MAGI2: variants seen among roughly 807,000 people sequenced by gnomAD.
MAGI2 encodes membrane-associated guanylate kinase, WW and PDZ domain-containing protein 2.
A neutral mutation model predicts 133.3 loss-of-function variants in MAGI2; 35 were observed. The ratio of observed to expected loss-of-function variants is 0.26; its 90% CI spans 0.20 to 0.35. The LOEUF (loss-of-function observed/expected upper bound fraction) is 0.35, where lower values mean the gene tolerates loss of function less well. Ranked by LOEUF, MAGI2 falls within the 10% of genes least tolerant of loss-of-function variation. The pLI is 1.00. For synonymous variants in MAGI2, 729 were observed against 710.6 expected, an observed-to-expected ratio of 1.03 and a Z score of -0.41; for missense variants, 1,636 against 1,863.4, an observed-to-expected ratio of 0.88 and a Z score of 2.25.
chr7:78,567,257 C>T (rs1478713873), intron 3 of MAGI2, among the ~76,000 whole-genome samples: 1 of 152,122 alleles, frequency 6.6e-6, no homozygotes, highest in Non-Finnish European at 1.5e-5. Context: ...GAACTACAAA[C>T]CAGGCTCTTG....
intron 10 of MAGI2, among the ~76,000 whole-genome samples, chr7:78,235,600 G>C (rs549340208): frequency 1.3e-5 from 2 of 152,112 alleles, no homozygotes; most frequent in African/African-American, 2.4e-5. Context: ...TGTGAAGAAG[G>C]ACATGTTTGC....
chr7:79,224,186 T>C (rs1830666536), intron 1 of MAGI2, among the ~76,000 whole-genome samples: 1 of 152,048 alleles, frequency 6.6e-6, no homozygotes, highest in Non-Finnish European at 1.5e-5. Flanking sequence ...CCCTCATATC[T>C]ACCCCAAGGT....
chr7:78,538,041 C>T (rs1452891658), intron 3 of MAGI2, among the ~76,000 whole-genome samples: 1 of 151,910 alleles, frequency 6.6e-6, no homozygotes, highest in Admixed American at 6.6e-5. Context: ...GAGGATCCTG[C>T]ACGTATCTTG....
At chr7:79,143,994 C>A (rs1457706966) in intron 1 of MAGI2, among the ~76,000 whole-genome samples, 7 of 151,940 alleles carry the variant, frequency 4.6e-5, no homozygotes, top group South Asian at 2.1e-4. Context: ...CTAAAAATAA[C>A]AAAATTAGGT....
chr7:78,751,895 T>C (rs1358317819), intron 2 of MAGI2, among the ~76,000 whole-genome samples: 3 of 152,210 alleles, frequency 2.0e-5, no homozygotes, highest in African/African-American at 4.8e-5. Flanking sequence ...AGTTCTATTG[T>C]TTTATGGCTT....
chr7:79,304,725 A>C (rs926541183), intron 1 of MAGI2, among the ~76,000 whole-genome samples: 1 of 152,226 alleles, frequency 6.6e-6, no homozygotes, highest in Non-Finnish European at 1.5e-5. Flanking sequence ...GTGAAACACC[A>C]GGTCTAATTC....
At chr7:79,386,112 A>T (rs1362264568) in intron 1 of MAGI2, among the ~76,000 whole-genome samples, 1 of 151,924 alleles carries the variant, frequency 6.6e-6, no homozygotes, top group Non-Finnish European at 1.5e-5. Flanking sequence ...AAAAACCCTT[A>T]TATAATGTTT....
At chr7:78,175,934 G>A (rs1277115225) in intron 14 of MAGI2, among the ~76,000 whole-genome samples, 2 of 152,168 alleles carry the variant, frequency 1.3e-5, no homozygotes, top group East Asian at 1.9e-4. Context: ...AATATCCTGC[G>A]GAGGTCAGGA....
At chr7:79,385,065 T>G (rs1176266838) in intron 1 of MAGI2, among the ~76,000 whole-genome samples, 1 of 151,790 alleles carries the variant, frequency 6.6e-6, no homozygotes, top group African/African-American at 2.4e-5. Context: ...CACCATTATT[T>G]TCTTTAAAGT....
intron 6 of MAGI2, among the ~76,000 whole-genome samples, chr7:78,437,141 T>C (rs1309149794): frequency 6.6e-6 from 1 of 152,146 alleles, no homozygotes; most frequent in Non-Finnish European, 1.5e-5. Context: ...GAAATGCTAT[T>C]GCTCTGTGGC....
intron 2 of MAGI2, among the ~76,000 whole-genome samples, chr7:78,748,543 C>T (rs1194849769): frequency 6.6e-6 from 1 of 152,180 alleles, no homozygotes; most frequent in South Asian, 2.1e-4. Flanking sequence ...TCTACATTTA[C>T]TGCTTGATAT....
chr7:78,739,280 G>A (rs1183059436), intron 2 of MAGI2, among the ~76,000 whole-genome samples: 1 of 152,154 alleles, frequency 6.6e-6, no homozygotes, highest in Non-Finnish European at 1.5e-5. Context: ...GCCAAAGGTC[G>A]TCAAACACCG....
At position 78,674,459 on chromosome 7, in the gene MAGI2, A is replaced by G. The variant is rs948390610; in HGVS notation, c.419-47220T>C. ...TCCCAAATTAATGCTTCAAAACTAA[A>G]CATTCCAAATCAGGCAGCTAAAAAA... On this transcript the variant is annotated intron_variant, in intron 2 of 21. Coordinates refer to ENST00000354212, the MANE Select transcript of MAGI2 (RefSeq NM_012301.4). Among the ~76,000 whole-genome samples the G allele has an allele frequency of 2.0e-5, 3 of 151,418 alleles. No individual in the cohort carries two copies. The East Asian group carries it at 5.8e-4, about 29-fold the overall frequency.
At chr7:79,183,926 T>C (rs1826839490) in intron 1 of MAGI2, among the ~76,000 whole-genome samples, 1 of 151,678 alleles carries the variant, frequency 6.6e-6, no homozygotes, top group South Asian at 2.1e-4. Context: ...TATACAGAAT[T>C]TTTTAAAGTT....
intron 1 of MAGI2, among the ~76,000 whole-genome samples, chr7:79,137,372 T>C (rs1585019942): frequency 6.6e-6 from 1 of 152,042 alleles, no homozygotes; most frequent in Admixed American, 6.6e-5. Context: ...ATCCTGCTGG[T>C]TCTATTCCAC....
At chr7:79,412,669 AAG>A (rs1846222728) in intron 1 of MAGI2, 1 of 152,180 alleles carries the variant, frequency 6.6e-6, no homozygotes, top group Non-Finnish European at 1.5e-5. Flanking sequence ...GGTGAGAGTC[AAG>A]AGATACGGTA....
intron 3 of MAGI2, among the ~76,000 whole-genome samples, chr7:78,566,907 T>G (rs948107530): frequency 1.3e-5 from 2 of 152,142 alleles, no homozygotes; most frequent in South Asian, 4.1e-4. Context: ...AGGCTGAGAT[T>G]TTATTCTGCT....
Position 78,019,081 on chromosome 7 carries a change from A to T in MAGI2, c.*234T>A, listed in dbSNP as rs553536452. On this transcript the variant is annotated 3_prime_UTR_variant, in exon 22 of 22. Transcript: ENST00000354212. The stretch of plus-strand genomic sequence containing the variant: ...CTTCACGTTATTTTGGTTCTTCCAT[A>T]GCTGCCAAAGCCCCCACAAGGGAAC... 4.3e-5 allele frequency: 20 copies of T among 461,064 alleles called. 1 individual carries two copies. The South Asian group carries it at 7.7e-4, about 18-fold the overall frequency. 28.6% of individuals were successfully genotyped at this position (461,064 alleles called of 1,614,324 possible).
chr7:78,081,905 T>A lies in MAGI2; in HGVS notation c.3568-2820A>T, dbSNP rs79262445. Among the ~76,000 whole-genome samples, 393 of 152,258 alleles carry A rather than the reference T, an allele frequency of 2.6e-3. 1 individual carries two copies. Among genetic ancestry groups the A allele is most frequent in the African/African-American group, 9.1e-3 (379 of 41,552 alleles). ...TAGGAGGCTGTGGGGAAGGAGATGA[T>A]GAGGACAATGACACAGAGTCTGGGT... On this transcript the variant is annotated intron_variant, in intron 20 of 21. Coordinates refer to ENST00000354212, the MANE Select transcript of MAGI2 (RefSeq NM_012301.4).
Sources: gnomAD v4.1 joint callset for allele counts (sites outside exome capture counted in the v4.1 genomes callset) on GRCh38, gnomAD v4.1.1 for gene constraint, MANE v1.5 for transcripts, NCBI Gene and HGNC (gene_info 2026-07-23, HGNC 2026-07-21) for gene names.